Variants in CNIH3 observed in about 807,000 individuals in gnomAD.
CNIH3 encodes protein cornichon homolog 3.
CNIH3 carries 14 observed loss-of-function variants against 24.1 expected under a neutral mutation model. The observed-to-expected ratio is 0.58, with a 90% CI of 0.38 to 0.91. The LOEUF (loss-of-function observed/expected upper bound fraction) is 0.91. CNIH3 is among the 40% of genes least tolerant of loss of function. The pLI is 0.00. For missense variants in CNIH3, 178 were observed against 196.8 expected (o/e 0.90, Z 0.57); for synonymous variants, 68 against 73.8 (o/e 0.92, Z 0.40).
intron 1 of CNIH3, among the ~76,000 whole-genome samples, chr1:224,641,668 C>G (rs972373918): frequency 8.5e-5 from 13 of 152,214 alleles, no homozygotes; most frequent in Non-Finnish European, 1.9e-4. Context: ...TAGCTGGACT[C>G]CAGGTTCTAT....
intron 1 of CNIH3, among the ~76,000 whole-genome samples, chr1:224,628,392 TC>T (rs1683647572): frequency 1.3e-5 from 2 of 152,124 alleles, no homozygotes; most frequent in African/African-American, 4.8e-5. Flanking sequence ...CAGAACTTTT[TC>T]CCCTTCCCAA....
intron 3 of CNIH3, among the ~76,000 whole-genome samples, chr1:224,562,201 C>T (rs142346575): frequency 7.2e-5 from 11 of 152,254 alleles, no homozygotes; most frequent in Non-Finnish European, 1.0e-4. Flanking sequence ...ACTCTTTAAC[C>T]GGCTTTTGGA....
rs150419784 is a variant in CNIH3 at position 224,547,514 on chromosome 1, A to G, written n.450+575A>G. On this transcript the variant is annotated intron_variant and non_coding_transcript_variant, in intron 3 of 5. Coordinates refer to the CNIH3 transcript ENST00000471578. The stretch of plus-strand genomic sequence containing the variant: ...TCACAGTGGGTGTACACCCTGTGAT[A>G]GTATTAGTAATAATTAAGGGGGGTG... Among the ~76,000 whole-genome samples, 7 of 152,110 alleles carry G rather than the reference A, an allele frequency of 4.6e-5. No homozygotes were observed. In the East Asian group the frequency reaches 1.4e-3, roughly 29 times the overall value.
Position 224,616,841 on chromosome 1 carries a change from T to G in CNIH3, c.-334T>G. On this transcript the variant is annotated 5_prime_UTR_variant, in exon 1 of 6. Transcript: ENST00000272133. ...TGGAGTCGTCGCATCGCTTGTCGTGTTGGTCTCGAGGGGCTCACAGCTTGG... is the reference window on the plus strand; with the variant it reads ...TGGAGTCGTCGCATCGCTTGTCGTGGTGGTCTCGAGGGGCTCACAGCTTGG... The G allele has an allele frequency of 8.8e-7, 1 of 1,133,988 alleles. No individual in the cohort carries two copies. The highest frequency in any genetic ancestry group is 1.1e-6 in the Non-Finnish European group (1 of 924,768). 70.2% of individuals were successfully genotyped at this position (1,133,988 alleles called of 1,614,324 possible). A position where few individuals can be genotyped will look rare whatever the true frequency, so the allele number is the denominator to read the frequency against.
chr1:224,541,240 C>T (rs183670657), downstream of CNIH3, among the ~76,000 whole-genome samples: 9 of 152,218 alleles, frequency 5.9e-5, no homozygotes, highest in South Asian at 4.2e-4. Flanking sequence ...GTGGAGATTC[C>T]GAAGGGAAAT....
chr1:224,441,096 G>A (rs551226852), intron 1 of CNIH3, among the ~76,000 whole-genome samples: 7 of 152,294 alleles, frequency 4.6e-5, no homozygotes, highest in South Asian at 2.1e-4. Context: ...GATTACAGGC[G>A]TGAGCCACCG....
intron 5 of CNIH3, among the ~76,000 whole-genome samples, chr1:224,586,957 C>T (rs1558186119): frequency 6.6e-6 from 1 of 152,294 alleles, no homozygotes; most frequent in Non-Finnish European, 1.5e-5. Flanking sequence ...GCCCTGCTGA[C>T]ACCTTGATTT....
At chr1:224,737,988 C>G (rs1443810827) in intron 5 of CNIH3, among the ~76,000 whole-genome samples, 1 of 152,224 alleles carries the variant, frequency 6.6e-6, no homozygotes, top group Admixed American at 6.5e-5. Context: ...TAGGACCACC[C>G]TCCTGCGTGG....
At chr1:224,435,201 A>G in intron 1 of CNIH3, 1 of 986,474 alleles carries the variant, frequency 1.0e-6, no homozygotes, top group Non-Finnish European at 1.2e-6. Flanking sequence ...AGGATGGGGC[A>G]GGGGGCTAGG....
At chr1:224,686,468 C>T (rs1403152122) in intron 3 of CNIH3, among the ~76,000 whole-genome samples, 1 of 152,138 alleles carries the variant, frequency 6.6e-6, no homozygotes, top group African/African-American at 2.4e-5. Context: ...AGTAAACATA[C>T]GTGTGCATGT....
chr1:224,472,307 A>G (rs965745802), intron 1 of CNIH3, among the ~76,000 whole-genome samples: 6 of 152,242 alleles, frequency 3.9e-5, no homozygotes, highest in Non-Finnish European at 8.8e-5. Context: ...AATAGAAGTC[A>G]TTATATAAAA....
intron 1 of CNIH3, among the ~76,000 whole-genome samples, chr1:224,647,248 G>A (rs1684651587): frequency 6.6e-6 from 1 of 152,226 alleles, no homozygotes; most frequent in Admixed American, 6.5e-5. Context: ...ATCCCAAAGT[G>A]CCGTAATTAT....
chr1:224,560,949 C>CATT (rs1558160949), intron 3 of CNIH3, among the ~76,000 whole-genome samples: 1 of 151,832 alleles, frequency 6.6e-6, no homozygotes, highest in Non-Finnish European at 1.5e-5. Context: ...GAATGTATCT[C>CATT]GTGATTTCAA....
intron 1 of CNIH3, among the ~76,000 whole-genome samples, chr1:224,627,389 C>G (rs1356950602): frequency 6.6e-6 from 1 of 152,012 alleles, no homozygotes; most frequent in African/African-American, 2.4e-5. Flanking sequence ...CCACACCCAG[C>G]TAATTTTTGT....
At chr1:224,469,899 G>T (rs1438099447) in intron 1 of CNIH3, among the ~76,000 whole-genome samples, 1 of 151,798 alleles carries the variant, frequency 6.6e-6, no homozygotes, top group Non-Finnish European at 1.5e-5. Context: ...TGGTAGTGAT[G>T]AATTCTGCCA....
chr1:224,499,045 G>A (rs10916626), intron 1 of CNIH3, among the ~76,000 whole-genome samples: 80,587 of 152,124 alleles, frequency 0.53, 22,572 homozygotes, highest in East Asian at 0.77. Context: ...AGGGGTGCTG[G>A]GAGTGCCATG....
chr1:224,469,650 G>A (rs909175354), intron 1 of CNIH3, among the ~76,000 whole-genome samples: 1 of 152,204 alleles, frequency 6.6e-6, no homozygotes, highest in African/African-American at 2.4e-5. Flanking sequence ...TGGGACCACA[G>A]GCATGTGCCA....
chr1:224,490,032 T>C (rs1290062580), intron 1 of CNIH3, among the ~76,000 whole-genome samples: 1 of 152,050 alleles, frequency 6.6e-6, no homozygotes, highest in Non-Finnish European at 1.5e-5. Flanking sequence ...ACCAAAAAAA[T>C]AGGGACAAGT....
chr1:224,487,354 G>A (rs925435253), intron 1 of CNIH3, among the ~76,000 whole-genome samples: 1 of 152,188 alleles, frequency 6.6e-6, no homozygotes, highest in Non-Finnish European at 1.5e-5. Flanking sequence ...AGTGCTTCAA[G>A]AATTCACACA....
Sources: gnomAD v4.1 joint callset for allele counts (sites outside exome capture counted in the v4.1 genomes callset) on GRCh38, gnomAD v4.1.1 for gene constraint, MANE v1.5 for transcripts, NCBI Gene and HGNC (gene_info 2026-07-23, HGNC 2026-07-21) for gene names.